Variants in PRKAR2A observed in about 807,000 individuals in gnomAD.
PRKAR2A encodes the protein protein kinase cAMP-dependent type II regulatory subunit alpha.
A neutral mutation model predicts 51.9 loss-of-function variants in PRKAR2A; 29 were observed. The observed-to-expected ratio is 0.56, with a 90% CI of 0.42 to 0.76. PRKAR2A has a LOEUF of 0.76. Among genes scored for constraint, PRKAR2A ranks in the 30% least tolerant of loss-of-function variants. The pLI, the probability that PRKAR2A is intolerant of heterozygous loss-of-function variation, is 0.00. For missense variants in PRKAR2A, 445 were observed against 512.1 expected (o/e 0.87, Z 1.26); for synonymous variants, 178 against 186.2 (o/e 0.96, Z 0.36).
intron 8 of PRKAR2A, among the ~76,000 whole-genome samples, chr3:48,758,830 G>C (rs1229956914): frequency 6.6e-6 from 1 of 152,108 alleles, no homozygotes. Flanking sequence ...ATCCAATTTT[G>C]TGGATGACTT....
intron 1 of PRKAR2A, among the ~76,000 whole-genome samples, chr3:48,813,263 C>A (rs570337463): frequency 6.7e-6 from 1 of 149,934 alleles, no homozygotes; most frequent in South Asian, 2.1e-4. Context: ...AATTAGCTGG[C>A]AGGATGGTAT....
At position 48,829,615 on chromosome 3, in the gene PRKAR2A, T is replaced by C. The variant is rs1232043690; in HGVS notation, c.262+17720A>G. ...ATATACACACACATAAATGTGTGTGTGTATACGTGTGTATACACACACATA... is the reference window on the plus strand; with the variant it reads ...ATATACACACACATAAATGTGTGTGCGTATACGTGTGTATACACACACATA... On this transcript the variant is annotated intron_variant, in intron 1 of 10. Coordinates refer to ENST00000265563, the MANE Select transcript of PRKAR2A (RefSeq NM_004157.4). 2.9e-5 allele frequency among the ~76,000 whole-genome samples: 4 copies of C among 138,012 alleles called. 1 individual carries two copies. The highest frequency in any genetic ancestry group is 6.3e-5 in the Non-Finnish European group (4 of 63,500). The allele number at this position is 138,012 out of a possible 152,430, so 90.5% of individuals were successfully genotyped here. A position where few individuals can be genotyped will look rare whatever the true frequency, so the allele number is the denominator to read the frequency against.
rs1173387645 is a variant in PRKAR2A at position 48,747,467 on chromosome 3, A to C, written c.*4118T>G. 1 of 152,164 alleles carries C rather than the reference A, an allele frequency of 6.6e-6. No homozygotes were observed. The highest frequency in any genetic ancestry group is 1.5e-5 in the Non-Finnish European group (1 of 68,028). 9.4% of individuals were successfully genotyped at this position (152,164 alleles called of 1,614,324 possible). On this transcript the variant is annotated 3_prime_UTR_variant, in exon 11 of 11. Transcript: ENST00000265563. ...ATCACTGTGTGCAGAGAAAACGGGC[A>C]ATCAGAGGATAAACATAACCTCTCC... is the stretch of plus-strand genomic sequence containing the variant.
At chr3:48,816,163 T>C (rs1243977449) in intron 1 of PRKAR2A, among the ~76,000 whole-genome samples, 2 of 152,272 alleles carry the variant, frequency 1.3e-5, no homozygotes, top group Admixed American at 1.3e-4. Context: ...TTTCACAGCC[T>C]GTGTGTGTAC....
intron 9 of PRKAR2A, among the ~76,000 whole-genome samples, chr3:48,756,120 T>C (rs1259281365): frequency 2.6e-5 from 4 of 152,196 alleles, no homozygotes; most frequent in African/African-American, 9.6e-5. Context: ...CTTTTTCTTA[T>C]TGATTTGTAG....
intron 1 of PRKAR2A, among the ~76,000 whole-genome samples, chr3:48,825,005 T>G (rs1374464563): frequency 6.6e-6 from 1 of 151,416 alleles, no homozygotes; most frequent in East Asian, 1.9e-4. Flanking sequence ...GTTAAGTTCT[T>G]GAATTTATAC....
chr3:48,785,191 A>G (rs1330908604), intron 4 of PRKAR2A, among the ~76,000 whole-genome samples: 1 of 151,364 alleles, frequency 6.6e-6, no homozygotes, highest in Non-Finnish European at 1.5e-5. Flanking sequence ...CCTGGGTTCA[A>G]GCGATTTCTC....
At chr3:48,776,344 T>TG (rs2082104804) in intron 5 of PRKAR2A, among the ~76,000 whole-genome samples, 1 of 152,088 alleles carries the variant, frequency 6.6e-6, no homozygotes, top group African/African-American at 2.4e-5. Flanking sequence ...AAAGAGATAA[T>TG]CAAAGATACT....
chr3:48,794,898 A>C (rs186674444), intron 2 of PRKAR2A, among the ~76,000 whole-genome samples: 3 of 152,320 alleles, frequency 2.0e-5, no homozygotes, highest in Admixed American at 2.0e-4. Context: ...ATAAACCGGA[A>C]AGTAATGAAA....
At chr3:48,814,248 A>G (rs892035616) in intron 1 of PRKAR2A, among the ~76,000 whole-genome samples, 1 of 151,480 alleles carries the variant, frequency 6.6e-6, no homozygotes, top group East Asian at 1.9e-4. Flanking sequence ...ATCCGTCTCA[A>G]AAAGATTAAA....
At chr3:48,778,821 A>ATTTTT (rs759904828) in intron 5 of PRKAR2A, among the ~76,000 whole-genome samples, 1 of 86,404 alleles carries the variant, frequency 1.2e-5, no homozygotes, top group Non-Finnish European at 2.3e-5. Flanking sequence ...CTCGGCCTGC[A>ATTTTT]TTTTTTTTTT....
chr3:48,821,965 G>A (rs961374872), intron 1 of PRKAR2A, among the ~76,000 whole-genome samples: 1 of 149,640 alleles, frequency 6.7e-6, no homozygotes, highest in Non-Finnish European at 1.5e-5. Context: ...AGTGTCTCAC[G>A]CCTGTAATCC....
In PRKAR2A at chr3:48,847,724, C is replaced by A. The variant is rs1427867747; in HGVS notation, c.-128G>T. 1.4e-5 allele frequency: 14 copies of A among 971,816 alleles called. No homozygotes were observed. The East Asian group carries it at 2.0e-4, about 14-fold the overall frequency. 60.2% of individuals were successfully genotyped at this position (971,816 alleles called of 1,614,324 possible). ...CGCACGGCCCCGGCTCACGTCGCGC[C>A]GCTCTTTGGCCGGCTCTGCGTTTCC... On this transcript the variant is annotated 5_prime_UTR_variant, in exon 1 of 11. Transcript: ENST00000265563. The surrounding 1 kb of genome is among the most constrained non-coding windows in gnomAD (Gnocchi z 4.4).
At chr3:48,830,946 C>G in intron 1 of PRKAR2A, among the ~76,000 whole-genome samples, 1 of 152,130 alleles carries the variant, frequency 6.6e-6, no homozygotes, top group South Asian at 2.1e-4. Flanking sequence ...GGAGATGGAG[C>G]TCAGGCGGTA....
chr3:48,787,987 C>T (rs2082322153), intron 4 of PRKAR2A, among the ~76,000 whole-genome samples: 1 of 152,122 alleles, frequency 6.6e-6, no homozygotes. Context: ...GGCCTAGCAC[C>T]TTAGCCATTC....
chr3:48,789,248 T>C (rs2082343324), intron 4 of PRKAR2A, among the ~76,000 whole-genome samples: 1 of 152,096 alleles, frequency 6.6e-6, no homozygotes. Flanking sequence ...CCTTTATCCA[T>C]GGGGAGTATG....
At chr3:48,823,856 G>A (rs1191816601) in intron 1 of PRKAR2A, among the ~76,000 whole-genome samples, 4 of 151,582 alleles carry the variant, frequency 2.6e-5, no homozygotes, top group South Asian at 2.1e-4. Flanking sequence ...TACTAGGACC[G>A]TAGCAAAAGG....
At chr3:48,766,827 C>T (rs757056182) in intron 6 of PRKAR2A, among the ~76,000 whole-genome samples, 4 of 152,156 alleles carry the variant, frequency 2.6e-5, no homozygotes, top group African/African-American at 7.2e-5. Context: ...GATACCTTGA[C>T]TCTAGCAAGT....
rs970584928 is a variant in PRKAR2A, at chr3:48,749,257, C to T, written c.*2328G>A. 1.2e-4 allele frequency: 19 copies of T among 152,066 alleles called. No homozygotes were observed. Among genetic ancestry groups the T allele is most frequent in the African/African-American group, 4.1e-4 (17 of 41,392 alleles). 9.4% of individuals were successfully genotyped at this position (152,066 alleles called of 1,614,324 possible). A position where few individuals can be genotyped will look rare whatever the true frequency, so the allele number is the denominator to read the frequency against. ...ACACTGCTCCTAGGAGCCCTTATAG[C>T]ATCTGATTCTAAGTTATTCTGAAGG... On this transcript the variant is annotated 3_prime_UTR_variant, in exon 11 of 11. Coordinates refer to ENST00000265563, the MANE Select transcript of PRKAR2A (RefSeq NM_004157.4).
Sources: gnomAD v4.1 joint callset for allele counts (sites outside exome capture counted in the v4.1 genomes callset) on GRCh38, gnomAD v4.1.1 for gene constraint, Gnocchi (gnomAD v3.1) non-coding constraint, MANE v1.5 for transcripts, NCBI Gene and HGNC (gene_info 2026-07-23, HGNC 2026-07-21) for gene names.